The following SPHKAP variants were observed in gnomAD, a reference collection of about 807,000 sequenced individuals.
The protein encoded by SPHKAP is SPHK1 interactor, AKAP domain containing, also known as A-kinase anchor protein SPHKAP.
A neutral mutation model predicts 137.5 loss-of-function variants in SPHKAP; 67 were observed. The observed-to-expected ratio is 0.49, with a 90% confidence interval of 0.40 to 0.60. The LOEUF (loss-of-function observed/expected upper bound fraction) is 0.60. Among genes scored for constraint, SPHKAP ranks in the 20% least tolerant of loss-of-function variants. The probability of loss-of-function intolerance (pLI) is 0.00; values close to 1 mark genes in which losing one functional copy is unlikely to be tolerated. For missense variants in SPHKAP, 2,097 were observed against 2,069.3 expected, an observed-to-expected ratio of 1.01 and a Z score of -0.26; for synonymous variants, 813 against 785.3, an observed-to-expected ratio of 1.04 and a Z score of -0.59.
chr2:228,029,645 G>C (rs1182565466), intron 3 of SPHKAP, among the ~76,000 whole-genome samples: 1 of 152,204 alleles, frequency 6.6e-6, no homozygotes, highest in East Asian at 1.9e-4. Flanking sequence ...TCCCTTTGCA[G>C]ACAGTGCAAA....
intron 7 of SPHKAP, among the ~76,000 whole-genome samples, chr2:227,999,295 G>C (rs531336133): frequency 3.9e-4 from 59 of 152,218 alleles, no homozygotes; most frequent in African/African-American, 1.3e-3. Flanking sequence ...TTTTCTTGTT[G>C]AAATATTGAG....
Position 228,019,989 on chromosome 2 carries a change from T to C in SPHKAP, c.865A>G (p.Asn289Asp). 6.2e-7 allele frequency: 1 copy of C among 1,614,228 alleles called. No homozygotes were observed. The highest frequency in any genetic ancestry group is 8.5e-7 in the Non-Finnish European group (1 of 1,180,042). The change falls in exon 7 of 12, where the codon AAC (asparagine) becomes GAC (aspartate). Residue 289 changes from asparagine (N) to aspartate (D), a missense_variant. Coordinates refer to ENST00000392056, the MANE Select transcript of SPHKAP (RefSeq NM_001142644.2). ...TGCAAGGCTGTGTTCTTTGTTAGGT[T>C]TTCTGGAGATCGTTCTGTTTTAATC... ...PLIKTERSPE[N>D]LTKNTALQSL... is the part of the protein sequence containing the mutation.
At chr2:228,001,506 C>T (rs955166341) in intron 7 of SPHKAP, among the ~76,000 whole-genome samples, 19 of 137,896 alleles carry the variant, frequency 1.4e-4, no homozygotes, top group South Asian at 2.3e-4. Context: ...AGTATATATA[C>T]GTATATATAA....
chr2:228,129,511 T>C (rs1699180426), intron 2 of SPHKAP, among the ~76,000 whole-genome samples: 1 of 152,144 alleles, frequency 6.6e-6, no homozygotes, highest in African/African-American at 2.4e-5. Flanking sequence ...CTCCCCAAGA[T>C]CTAACAGAGT....
chr2:227,992,966 T>C (rs1693471045), intron 9 of SPHKAP, among the ~76,000 whole-genome samples: 1 of 152,206 alleles, frequency 6.6e-6, no homozygotes, highest in African/African-American at 2.4e-5. Flanking sequence ...TTTTGCGCCA[T>C]ATTTTAGGAT....
chr2:228,055,671 G>A (rs1338587697), intron 3 of SPHKAP, among the ~76,000 whole-genome samples: 1 of 152,212 alleles, frequency 6.6e-6, no homozygotes, highest in Non-Finnish European at 1.5e-5. Context: ...CTTTCTTAGA[G>A]AGTGCTATTG....
rs556002577 is a variant in SPHKAP at position 228,150,406 on chromosome 2, T to C, written c.33-18321A>G. ...ATTCTCCTGCAAAGCTATCTGGGAG[T>C]AGAAATTTTCTGTTAGAAGGTTTTT... On this transcript the variant is annotated intron_variant, in intron 1 of 11. Transcript: ENST00000392056. Among the ~76,000 whole-genome samples, 4 of 152,246 alleles carry C rather than the reference T, an allele frequency of 2.6e-5. No individual in the cohort carries two copies. The South Asian group carries it at 8.3e-4, about 32-fold the overall frequency.
intron 1 of SPHKAP, among the ~76,000 whole-genome samples, chr2:228,157,876 A>G (rs1700151768): frequency 6.6e-6 from 1 of 152,200 alleles, no homozygotes; most frequent in Non-Finnish European, 1.5e-5. Context: ...ATGAGTCTTA[A>G]AAGAAAAAAA....
At chr2:228,003,194 T>G (rs541819830) in intron 7 of SPHKAP, among the ~76,000 whole-genome samples, 3 of 152,338 alleles carry the variant, frequency 2.0e-5, no homozygotes, top group Admixed American at 6.5e-5. Context: ...TCTTCCTACC[T>G]ATGAGCATGG....
At chr2:228,132,989 C>T (rs1699307253) in intron 1 of SPHKAP, among the ~76,000 whole-genome samples, 2 of 149,124 alleles carry the variant, frequency 1.3e-5, no homozygotes, top group Admixed American at 1.3e-4. Flanking sequence ...GGGTGAGACC[C>T]TGTCTCAAAA....
intron 8 of SPHKAP, 49 bp from the exon 9 acceptor site, chr2:227,993,669 ATGC>A: frequency 6.8e-7 from 1 of 1,465,064 alleles, no homozygotes; most frequent in Non-Finnish European, 9.4e-7. Context: ...ACCCTCTAAC[ATGC>A]TGCTGACAGT....
intron 7 of SPHKAP, among the ~76,000 whole-genome samples, chr2:228,002,349 T>C (rs902359569): frequency 2.6e-5 from 4 of 152,262 alleles, no homozygotes; most frequent in Non-Finnish European, 5.9e-5. Flanking sequence ...CACGTGTCTG[T>C]TGGCTGCATA....
intron 1 of SPHKAP, among the ~76,000 whole-genome samples, chr2:228,142,667 A>C (rs114184750): frequency 0.01 from 1,543 of 152,240 alleles, 20 homozygotes; most frequent in African/African-American, 0.035. Flanking sequence ...ACGGACACCT[A>C]GATGAGGACA....
In SPHKAP at chr2:228,134,999, G is replaced by A. The variant is rs187490815; in HGVS notation, c.33-2914C>T. Among the ~76,000 whole-genome samples the A allele has an allele frequency of 2.5e-3, 387 of 152,296 alleles. 1 individual carries two copies. The highest frequency in any genetic ancestry group is 3.4e-3 in the Middle Eastern group (1 of 294). ...CGTAGAAAGACCACTTCAAGGCCGG[G>A]TGCAGTGGCTCACGCCTGTAATCCC... is the stretch of plus-strand genomic sequence containing the variant. On this transcript the variant is annotated intron_variant, in intron 1 of 11. Coordinates refer to ENST00000392056, the MANE Select transcript of SPHKAP (RefSeq NM_001142644.2).
intron 3 of SPHKAP, among the ~76,000 whole-genome samples, chr2:228,069,449 CTT>C (rs11346938): frequency 1.9e-3 from 241 of 128,048 alleles, no homozygotes; most frequent in Admixed American, 2.8e-3. Flanking sequence ...TTCTTTCTTT[CTT>C]TTTTTTTTTT....
chr2:228,017,489 C>T lies in SPHKAP; in HGVS notation c.3365G>A (p.Cys1122Tyr). ...RASSVSKQSS[C>Y]ESITDEFSRF... ...GGAAAACTCATCGGTGATGCTCTCA[C>T]AGCTCGACTGCTTGGAGACAGAGCT... The change falls in exon 7 of 12, where the codon TGT becomes TAT. Residue 1122 changes from cysteine to tyrosine, a missense_variant. Cys to Tyr is a radical substitution (Grantham distance 194, BLOSUM62 -2). Coordinates refer to ENST00000392056, the MANE Select transcript of SPHKAP (RefSeq NM_001142644.2). 1 of 1,613,606 alleles carries T rather than the reference C, an allele frequency of 6.2e-7. No homozygotes were observed. Among genetic ancestry groups the T allele is most frequent in the Non-Finnish European group, 8.5e-7 (1 of 1,179,886 alleles).
chr2:228,131,925 T>G (rs1425208578), intron 2 of SPHKAP, 55 bp downstream of exon 2: 35 of 1,572,874 alleles, frequency 2.2e-5, no homozygotes, highest in Non-Finnish European at 2.9e-5. Flanking sequence ...AATTTCGAAT[T>G]AAATGAATAT....
At chr2:228,052,225 C>A (rs906322088) in intron 3 of SPHKAP, among the ~76,000 whole-genome samples, 16 of 151,326 alleles carry the variant, frequency 1.1e-4, no homozygotes, top group Admixed American at 1.1e-3. Context: ...AAATCTAAAG[C>A]CCAATTCAAG....
At chr2:228,043,305 G>T (rs1355621475) in intron 3 of SPHKAP, among the ~76,000 whole-genome samples, 1 of 152,104 alleles carries the variant, frequency 6.6e-6, no homozygotes, top group Non-Finnish European at 1.5e-5. Flanking sequence ...ACATTTAAAA[G>T]AGTTAGTTGA....
Sources: gnomAD v4.1 joint callset for allele counts (sites outside exome capture counted in the v4.1 genomes callset) on GRCh38, gnomAD v4.1.1 for gene constraint, MANE v1.5 for transcripts, NCBI Gene and HGNC (gene_info 2026-07-23, HGNC 2026-07-21) for gene names.